PRIMA1: variants seen among roughly 807,000 people sequenced by gnomAD.
PRIMA1 encodes the protein proline rich membrane anchor 1.
Under a neutral mutation model 17.5 loss-of-function variants are expected in PRIMA1, and 7 were observed. The ratio of observed to expected loss-of-function variants is 0.40; its 90% CI spans 0.23 to 0.75. PRIMA1 has a LOEUF of 0.75. Ranked by LOEUF, PRIMA1 falls within the 30% of genes least tolerant of loss-of-function variation. The pLI is 0.37. For missense variants in PRIMA1, 200 were observed against 201.8 expected (o/e 0.99, Z 0.05); for synonymous variants, 97 against 77.9 (o/e 1.25, Z -1.29).
In PRIMA1 at chr14:93,779,260, G is replaced by C; in HGVS notation, c.145C>G (p.Arg49Gly). ...KSCSKVTDSC[R>G]HVCQCRPPPP... ...GGGGGCCGGCACTGGCAGACGTGTCGGCAGCTGTCAGTCACTTTGGAGCAG... is the reference window on the plus strand; with the variant it reads ...GGGGGCCGGCACTGGCAGACGTGTCCGCAGCTGTCAGTCACTTTGGAGCAG... Residue 49 changes from arginine to glycine, a missense_variant, in exon 3 of 5, where the codon CGA (arginine) becomes GGA (glycine). Transcript: ENST00000393140. 6.5e-7 allele frequency: 1 copy of C among 1,541,138 alleles called. No individual in the cohort carries two copies. Among genetic ancestry groups the C allele is most frequent in the Non-Finnish European group, 8.7e-7 (1 of 1,151,348 alleles).
At chr14:93,751,185 G>A (rs1300121693) in intron 3 of PRIMA1, among the ~76,000 whole-genome samples, 1 of 152,208 alleles carries the variant, frequency 6.6e-6, no homozygotes, top group Non-Finnish European at 1.5e-5. Context: ...TTCAGGGTCT[G>A]CACTAGGGCT....
intron 3 of PRIMA1, 89 bp downstream of exon 3, chr14:93,779,087 C>T: frequency 1.1e-6 from 1 of 944,756 alleles, no homozygotes; most frequent in Non-Finnish European, 1.5e-6. Flanking sequence ...ACCAAGGAGG[C>T]AGGGCTGCCC....
chr14:93,741,318 C>T (rs1041716056), intron 3 of PRIMA1, among the ~76,000 whole-genome samples: 7 of 152,166 alleles, frequency 4.6e-5, no homozygotes, highest in East Asian at 1.9e-4. Context: ...TCCCAAGGGC[C>T]GGGGTTGGGA....
intron 3 of PRIMA1, among the ~76,000 whole-genome samples, chr14:93,766,363 C>T (rs1884892895): frequency 6.6e-6 from 1 of 152,140 alleles, no homozygotes; most frequent in South Asian, 2.1e-4. Flanking sequence ...TCATTTGGCC[C>T]TTCCGAGTGT....
At chr14:93,733,525 G>A (rs1187198552) in intron 4 of PRIMA1, among the ~76,000 whole-genome samples, 4 of 152,156 alleles carry the variant, frequency 2.6e-5, no homozygotes, top group Non-Finnish European at 4.4e-5. Context: ...ACCCCCAGGT[G>A]CCAAGGCATC....
chr14:93,764,035 G>A (rs908967984), intron 3 of PRIMA1, among the ~76,000 whole-genome samples: 1 of 151,866 alleles, frequency 6.6e-6, no homozygotes, highest in East Asian at 1.9e-4. Context: ...GCACCCAGCA[G>A]TCCTCCTCCC....
chr14:93,781,070 T>C (rs1057418337), intron 2 of PRIMA1, among the ~76,000 whole-genome samples: 33 of 152,330 alleles, frequency 2.2e-4, no homozygotes, highest in African/African-American at 7.5e-4. Flanking sequence ...TAATGTCCGC[T>C]GGGGTGGCAG....
intron 4 of PRIMA1, among the ~76,000 whole-genome samples, chr14:93,724,612 A>G (rs1465920294): frequency 6.6e-6 from 1 of 152,168 alleles, no homozygotes; most frequent in Non-Finnish European, 1.5e-5. Context: ...TCTTACAGTG[A>G]GATCCTGTGC....
chr14:93,761,796 G>A (rs376501816), intron 3 of PRIMA1, among the ~76,000 whole-genome samples: 5 of 152,160 alleles, frequency 3.3e-5, no homozygotes, highest in African/African-American at 1.2e-4. Context: ...CGGACCTCAT[G>A]ACCACCTGCA....
At chr14:93,724,300 C>T (rs2076061117) in intron 4 of PRIMA1, among the ~76,000 whole-genome samples, 1 of 152,214 alleles carries the variant, frequency 6.6e-6, no homozygotes, top group South Asian at 2.1e-4. Context: ...TTTAACTCAG[C>T]ATATCCCACA....
chr14:93,759,363 A>C (rs1202389913), intron 3 of PRIMA1, among the ~76,000 whole-genome samples: 1 of 152,024 alleles, frequency 6.6e-6, no homozygotes, highest in Non-Finnish European at 1.5e-5. Context: ...CCATTTCCAA[A>C]TGCATCCTAG....
intron 3 of PRIMA1, among the ~76,000 whole-genome samples, chr14:93,755,339 G>C (rs1302218629): frequency 1.3e-5 from 2 of 152,180 alleles, no homozygotes; most frequent in Admixed American, 1.3e-4. Context: ...ACATCGGTGT[G>C]ATGGGGGCCA....
intron 3 of PRIMA1, among the ~76,000 whole-genome samples, chr14:93,768,122 C>A (rs1595218065): frequency 6.6e-6 from 1 of 152,240 alleles, no homozygotes; most frequent in African/African-American, 2.4e-5. Context: ...AAAAAAAGCA[C>A]CCAGGAAGCA....
intron 3 of PRIMA1, among the ~76,000 whole-genome samples, chr14:93,742,716 T>C (rs1170690602): frequency 2.6e-5 from 4 of 152,140 alleles, no homozygotes; most frequent in East Asian, 1.9e-4. Context: ...ATCGTCCTCA[T>C]AGGGTTTTTG....
chr14:93,733,684 G>A (rs1283367086), intron 4 of PRIMA1, among the ~76,000 whole-genome samples: 2 of 152,180 alleles, frequency 1.3e-5, no homozygotes, highest in African/African-American at 4.8e-5. Flanking sequence ...AAAAAAAAGA[G>A]TAGGGTTTAT....
intron 4 of PRIMA1, chr14:93,725,896 C>T (rs2076072218): frequency 2.2e-6 from 1 of 455,886 alleles, no homozygotes; most frequent in Admixed American, 2.4e-5. Context: ...CCCAGCCTGG[C>T]TCTGCAGCTC....
chr14:93,756,760 T>C (rs1232705958), intron 3 of PRIMA1, among the ~76,000 whole-genome samples: 3 of 152,120 alleles, frequency 2.0e-5, no homozygotes, highest in African/African-American at 7.2e-5. Flanking sequence ...ATCTTTCCCC[T>C]GCCCCTCTCC....
At chr14:93,747,706 GTGAGTGTA>G (rs1442316771) in intron 3 of PRIMA1, among the ~76,000 whole-genome samples, 2 of 151,724 alleles carry the variant, frequency 1.3e-5, no homozygotes, top group East Asian at 1.9e-4. Flanking sequence ...ATATGAGTGT[GTGAGTGTA>G]TGAGTGTGTA....
chr14:93,771,250 C>T (rs1182469078), intron 3 of PRIMA1, among the ~76,000 whole-genome samples: 1 of 152,146 alleles, frequency 6.6e-6, no homozygotes, highest in Non-Finnish European at 1.5e-5. Context: ...TGTCTAATTC[C>T]CCACTGTTTC....
Sources: allele counts gnomAD v4.1 joint callset (sites outside exome capture counted in the v4.1 genomes callset), GRCh38; gene constraint gnomAD v4.1.1; transcripts MANE v1.5; gene names NCBI Gene and HGNC (gene_info 2026-07-23, HGNC 2026-07-21).